The following TECRL variants were observed in gnomAD, a reference collection of about 807,000 sequenced individuals.
TECRL encodes trans-2,3-enoyl-CoA reductase-like.
A neutral mutation model predicts 52.8 loss-of-function variants in TECRL; 63 were observed. The observed-to-expected ratio is 1.19, with a 90% CI of 0.97 to 1.47. TECRL has a LOEUF of 1.47. TECRL is among the 40% of genes most tolerant of loss of function. The probability of loss-of-function intolerance (pLI) is 0.00; values close to 1 mark genes in which losing one functional copy is unlikely to be tolerated. For missense variants in TECRL, 482 were observed against 429.6 expected, an observed-to-expected ratio of 1.12 and a Z score of -1.08; for synonymous variants, 164 against 141.9, an observed-to-expected ratio of 1.16 and a Z score of -1.10.
intron 1 of TECRL, among the ~76,000 whole-genome samples, chr4:64,384,885 T>A (rs529149210): frequency 6.6e-6 from 1 of 152,276 alleles, no homozygotes; most frequent in African/African-American, 2.4e-5. Context: ...TGGGCCTGTC[T>A]TCAGTTCTCC....
chr4:64,393,854 C>T (rs1451360371), intron 1 of TECRL, among the ~76,000 whole-genome samples: 3 of 151,730 alleles, frequency 2.0e-5, no homozygotes, highest in Non-Finnish European at 4.4e-5. Context: ...CATAAGAATC[C>T]ATCATGCATA....
At chr4:64,301,582 A>G in intron 7 of TECRL, among the ~76,000 whole-genome samples, 1 of 142,556 alleles carries the variant, frequency 7.0e-6, no homozygotes, top group East Asian at 2.0e-4. Context: ...AACAAACGGA[A>G]GTTTGTTAAA....
chr4:64,371,229 A>G (rs1376636681), intron 2 of TECRL, among the ~76,000 whole-genome samples: 2 of 151,358 alleles, frequency 1.3e-5, no homozygotes, highest in Non-Finnish European at 3.0e-5. Context: ...CATTAATTAT[A>G]TTGTAATTTA....
intron 2 of TECRL, among the ~76,000 whole-genome samples, chr4:64,332,456 T>A (rs868841545): frequency 2.6e-5 from 4 of 152,170 alleles, no homozygotes; most frequent in Non-Finnish European, 5.9e-5. Context: ...TCAGACCCTA[T>A]AATTATCTCT....
chr4:64,313,180 G>A (rs1437886744), intron 5 of TECRL, among the ~76,000 whole-genome samples: 1 of 152,106 alleles, frequency 6.6e-6, no homozygotes, highest in Non-Finnish European at 1.5e-5. Context: ...AACTTGATTC[G>A]AGGTAAGAAA....
At position 64,279,274 on chromosome 4, in the gene TECRL, A is replaced by G. The variant is rs1722698427; in HGVS notation, c.*798T>C. 1 of 151,812 alleles carries G rather than the reference A, an allele frequency of 6.6e-6. No individual in the cohort carries two copies. The highest frequency in any genetic ancestry group is 6.6e-5 in the Admixed American group (1 of 15,226). 9.4% of individuals were successfully genotyped at this position (151,812 alleles called of 1,614,324 possible). ...AATATGTTATTTTTATTTTATTTTG[A>G]GACAGTCTCACTCTGTCACCCAGGC... On this transcript the variant is annotated 3_prime_UTR_variant, in exon 12 of 12. Coordinates refer to ENST00000381210, the MANE Select transcript of TECRL (RefSeq NM_001010874.5).
At chr4:64,327,512 C>G (rs1386556220) in intron 3 of TECRL, among the ~76,000 whole-genome samples, 1 of 151,940 alleles carries the variant, frequency 6.6e-6, no homozygotes, top group African/African-American at 2.4e-5. Context: ...TGTGCTAGGC[C>G]CTATGAAGGC....
intron 2 of TECRL, among the ~76,000 whole-genome samples, chr4:64,338,738 A>G (rs1016970568): frequency 7.2e-5 from 11 of 152,220 alleles, no homozygotes; most frequent in Non-Finnish European, 1.6e-4. Flanking sequence ...ATGAAATATC[A>G]TCTCACACCA....
intron 7 of TECRL, 94 bp downstream of exon 7, chr4:64,305,072 C>A: frequency 1.1e-6 from 1 of 894,462 alleles, no homozygotes; most frequent in East Asian, 2.6e-5. Context: ...TGAATTGTTT[C>A]ATTTTTTACT....
At chr4:64,407,670 T>C (rs1329967698) in intron 1 of TECRL, among the ~76,000 whole-genome samples, 1 of 151,902 alleles carries the variant, frequency 6.6e-6, no homozygotes, top group Non-Finnish European at 1.5e-5. Context: ...TCATTCCATT[T>C]GTTGCACTGT....
In TECRL at chr4:64,340,167, A is replaced by G. The variant is rs558201285; in HGVS notation, c.287-11611T>C. ...GGACTGCATGCTCCATGGAGCTGGC[A>G]GAAGCCAGGAAAAAGCGGGAGATTC... On this transcript the variant is annotated intron_variant, in intron 2 of 11. Transcript: ENST00000381210. Among the ~76,000 whole-genome samples the G allele has an allele frequency of 2.3e-4, 35 of 152,330 alleles. No homozygotes were observed. In the Middle Eastern group the frequency reaches 0.01, roughly 44 times the overall value.
At chr4:64,347,726 T>C (rs1034448652) in intron 2 of TECRL, among the ~76,000 whole-genome samples, 1 of 152,140 alleles carries the variant, frequency 6.6e-6, no homozygotes, top group Non-Finnish European at 1.5e-5. Context: ...GCCCCCATGA[T>C]CCAGTAACCT....
chr4:64,346,752 T>C (rs1274314938), intron 2 of TECRL, among the ~76,000 whole-genome samples: 3 of 152,216 alleles, frequency 2.0e-5, no homozygotes, highest in African/African-American at 4.8e-5. Context: ...CCCATTGTCT[T>C]GGTGATTAAG....
intron 1 of TECRL, among the ~76,000 whole-genome samples, chr4:64,382,191 GTATATATATATATATATATATATATA>G (rs200934355): frequency 5.2e-4 from 7 of 13,384 alleles, no homozygotes; most frequent in African/African-American, 8.4e-4. Flanking sequence ...GGAAATTTCT[GTATATATATATATATATATATATATA>G]TATATATATA....
At chr4:64,325,447 C>A (rs1474347859) in intron 3 of TECRL, among the ~76,000 whole-genome samples, 4 of 152,084 alleles carry the variant, frequency 2.6e-5, no homozygotes, top group African/African-American at 9.7e-5. Context: ...CATGAGAATT[C>A]AGTTCAGTCA....
intron 1 of TECRL, among the ~76,000 whole-genome samples, chr4:64,379,371 A>T (rs920149990): frequency 9.2e-5 from 14 of 152,110 alleles, no homozygotes; most frequent in African/African-American, 3.4e-4. Context: ...ATAACTATAC[A>T]TATTTACGGG....
intron 2 of TECRL, among the ~76,000 whole-genome samples, chr4:64,372,512 A>G (rs1038037288): frequency 4.0e-5 from 6 of 151,836 alleles, no homozygotes; most frequent in African/African-American, 1.2e-4. Context: ...TATTCTTATA[A>G]CAAAGCAGAA....
chr4:64,402,758 A>G (rs1340905077), intron 1 of TECRL, among the ~76,000 whole-genome samples: 1 of 152,146 alleles, frequency 6.6e-6, no homozygotes, highest in Non-Finnish European at 1.5e-5. Flanking sequence ...ATTGGGGTAC[A>G]TAAGAGATGT....
chr4:64,379,118 A>C (rs1425145172), intron 1 of TECRL, among the ~76,000 whole-genome samples: 1 of 152,086 alleles, frequency 6.6e-6, no homozygotes, highest in Non-Finnish European at 1.5e-5. Context: ...TTACCAAAGA[A>C]AGTTTTTATC....
Sources: gnomAD v4.1 joint callset for allele counts (sites outside exome capture counted in the v4.1 genomes callset) on GRCh38, gnomAD v4.1.1 for gene constraint, MANE v1.5 for transcripts, NCBI Gene and HGNC (gene_info 2026-07-23, HGNC 2026-07-21) for gene names.